Variants in OPTC observed in about 807,000 individuals in gnomAD.
OPTC encodes the protein oculoglycan.
OPTC carries 22 observed loss-of-function variants against 25.4 expected under a neutral mutation model. That is an observed-to-expected ratio of 0.87 (90% CI 0.62 to 1.24). OPTC has a LOEUF of 1.24. Ranked by LOEUF, OPTC falls within the 50% of genes most tolerant of loss-of-function variation. The probability of loss-of-function intolerance (pLI) is 0.00; values close to 1 mark genes in which losing one functional copy is unlikely to be tolerated. For synonymous variants in OPTC, 169 were observed against 179.3 expected (o/e 0.94, Z 0.46); for missense variants, 417 against 425.2 (o/e 0.98, Z 0.17).
chr1:203,503,716 C>T lies in OPTC; in HGVS notation c.995C>T (p.Thr332Met), dbSNP rs150746959. Residue 332 changes from threonine (T) to methionine (M), a missense_variant, in exon 7 of 8, where the codon ACG (threonine) becomes ATG (methionine). By Grantham distance (81) the Thr-to-Met change is moderately conservative (BLOSUM62 -1). Coordinates refer to ENST00000367222, the MANE Select transcript of OPTC (RefSeq NM_014359.4). ...CCTCGGCTCCCCATCGGCCGCTTCACGTAGCTCGGAGCCCTTCCACTCCTC... is the reference window on the plus strand; with the variant it reads ...CCTCGGCTCCCCATCGGCCGCTTCATGTAGCTCGGAGCCCTTCCACTCCTC... ...CLPRLPIGRF[T>M] The T allele has an allele frequency of 6.2e-5, 100 of 1,605,134 alleles. 1 individual carries two copies. In the South Asian group the frequency reaches 7.1e-4, roughly 11 times the overall value.
intron 2 of OPTC, 72 bp downstream of exon 2, chr1:203,496,308 G>T: frequency 9.1e-7 from 1 of 1,103,590 alleles, no homozygotes; most frequent in South Asian, 1.3e-5. Context: ...CCTCCCATCT[G>T]CCCCAAAGTG....
At chr1:203,504,389 CT>C (rs1661443417) in intron 7 of OPTC, among the ~76,000 whole-genome samples, 1 of 152,182 alleles carries the variant, frequency 6.6e-6, no homozygotes, top group Non-Finnish European at 1.5e-5. Context: ...TACTGGGCAT[CT>C]CTTCCAGCTC....
At chr1:203,494,690 TAAAA>T (rs1661250340) in intron 1 of OPTC, among the ~76,000 whole-genome samples, 1 of 151,998 alleles carries the variant, frequency 6.6e-6, no homozygotes, top group African/African-American at 2.4e-5. Context: ...AAAAAAATTT[TAAAA>T]GAAAGAAAGA....
At chr1:203,497,715 T>A (rs1408583727) in intron 3 of OPTC, among the ~76,000 whole-genome samples, 3 of 152,166 alleles carry the variant, frequency 2.0e-5, no homozygotes, top group African/African-American at 7.2e-5. Flanking sequence ...CTTCTCGGGA[T>A]GTTTGCCTTG....
chr1:203,498,647 G>C, intron 3 of OPTC, 34 bp from the exon 4 acceptor site: 2 of 1,613,994 alleles, frequency 1.2e-6, no homozygotes, highest in Non-Finnish European at 1.7e-6. Context: ...AGGCTAAAGA[G>C]ATCTCCCTTT....
In OPTC at chr1:203,503,839, T is replaced by C. The variant is rs28636958; in HGVS notation, c.*25+94T>C. 2.4e-3 allele frequency: 2,613 copies of C among 1,075,918 alleles called. 44 individuals carry two copies. The African/African-American group carries it at 0.035, about 14-fold the overall frequency. The allele number at this position is 1,075,918 out of a possible 1,614,324, so 66.6% of individuals were successfully genotyped here. A position where few individuals can be genotyped will look rare whatever the true frequency, so the allele number is the denominator to read the frequency against. Reference sequence around the variant, plus strand: ...CGGTGATCTTTAGCCCAGGCATTAATCAACCTCTCGATCCCTTGCAAATAT... The same window carrying C: ...CGGTGATCTTTAGCCCAGGCATTAACCAACCTCTCGATCCCTTGCAAATAT... On this transcript the variant is annotated intron_variant, in intron 7 of 7. Transcript: ENST00000367222.
At chr1:203,496,951 C>T (rs772651433) in intron 2 of OPTC, 26 bp from the exon 3 acceptor site, 8 of 1,614,010 alleles carry the variant, frequency 5.0e-6, no homozygotes, top group Non-Finnish European at 6.8e-6. Context: ...AGCTGGGCTA[C>T]TGTGTACTCT....
chr1:203,494,933 A>C (rs1032366474), intron 1 of OPTC, among the ~76,000 whole-genome samples: 1 of 152,234 alleles, frequency 6.6e-6, no homozygotes. Flanking sequence ...CAGGTATCTA[A>C]GGAAATTTCC....
intron 2 of OPTC, among the ~76,000 whole-genome samples, 171 bp downstream of exon 2, chr1:203,496,407 C>G (rs1661280916): frequency 6.6e-6 from 1 of 152,168 alleles, no homozygotes; most frequent in African/African-American, 2.4e-5. Context: ...TACTAAGAAA[C>G]AGGACACAAA....
chr1:203,498,935 T>A (rs888707715), intron 4 of OPTC, 96 bp downstream of exon 4: 2 of 1,384,450 alleles, frequency 1.4e-6, no homozygotes, highest in Non-Finnish European at 2.0e-6. Context: ...GCCCCCCGTG[T>A]TAGCTCTTTC....
chr1:203,498,941 C>G (rs1571597265), intron 4 of OPTC, 102 bp downstream of exon 4: 2 of 1,334,222 alleles, frequency 1.5e-6, no homozygotes, highest in East Asian at 4.6e-5. Context: ...CGTGTTAGCT[C>G]TTTCCTGTTG....
chr1:203,503,796 C>A (rs1661432739), intron 7 of OPTC, 51 bp downstream of exon 7: 3 of 1,474,858 alleles, frequency 2.0e-6, no homozygotes, highest in Admixed American at 3.4e-5. Flanking sequence ...CCATAAAGCC[C>A]AATTCCTTAT....
chr1:203,494,790 T>C lies in OPTC; in HGVS notation c.-42+573T>C, dbSNP rs6689054. 3.2e-3 allele frequency among the ~76,000 whole-genome samples: 483 copies of C among 152,372 alleles called. 2 individuals carry two copies. The highest frequency in any genetic ancestry group is 0.011 in the African/African-American group (448 of 41,584). ...TGGGTATGACTGTTGTATACACTTA[T>C]GCCTGGATACAAAACCACACCACAT... On this transcript the variant is annotated intron_variant, in intron 1 of 7. Coordinates refer to ENST00000367222, the MANE Select transcript of OPTC (RefSeq NM_014359.4).
Position 203,496,122 on chromosome 1 carries a change from T to C in OPTC, c.117T>C (p.Asp39=), listed in dbSNP as rs1440696617. The change falls in exon 2 of 8, where the codon GAT becomes GAC. Residue 39 remains aspartate, a synonymous_variant. Coordinates refer to ENST00000367222, the MANE Select transcript of OPTC (RefSeq NM_014359.4). ...AGGAGCAGATGCCCAGGGAAGGCGATTCCTTTGAAGTTCTGCCTCTGCGGA... is the reference window on the plus strand; with the variant it reads ...AGGAGCAGATGCCCAGGGAAGGCGACTCCTTTGAAGTTCTGCCTCTGCGGA... ...RREEQMPREG[D]SFEVLPLRND... is the part of the protein sequence containing the mutation. 6.2e-7 allele frequency: 1 copy of C among 1,614,000 alleles called. No individual in the cohort carries two copies. The highest frequency in any genetic ancestry group is 1.3e-5 in the African/African-American group (1 of 74,916).
chr1:203,502,979 G>GC lies in OPTC; in HGVS notation c.802dup (p.Leu268ProfsTer11). ...TGCTGGATTCTATCCCGGGGCCTTTGCCCCTGAGCCTGCGCTCTGTACACC... is the reference window on the plus strand; with the variant it reads ...TGCTGGATTCTATCCCGGGGCCTTTGCCCCCTGAGCCTGCGCTCTGTACACC... On this transcript the variant is annotated frameshift_variant, in exon 6 of 8. Coordinates refer to ENST00000367222, the MANE Select transcript of OPTC (RefSeq NM_014359.4). LOFTEE classifies it high-confidence loss of function. The GC allele has an allele frequency of 1.2e-6, 2 of 1,613,920 alleles. No individual in the cohort carries two copies. Among genetic ancestry groups the GC allele is most frequent in the Non-Finnish European group, 1.7e-6 (2 of 1,180,034 alleles).
intron 4 of OPTC, among the ~76,000 whole-genome samples, 176 bp from the exon 5 acceptor site, chr1:203,499,473 C>G (rs1661338456): frequency 6.6e-6 from 1 of 152,050 alleles, no homozygotes; most frequent in African/African-American, 2.4e-5. Flanking sequence ...GAGGGCTTTT[C>G]CAAGGAGTCC....
chr1:203,501,582 A>C (rs546001245), intron 5 of OPTC, among the ~76,000 whole-genome samples: 2 of 152,176 alleles, frequency 1.3e-5, no homozygotes, highest in Admixed American at 1.3e-4. Flanking sequence ...TCTTTTACGC[A>C]ATCTAATTCC....
At chr1:203,507,362 G>C (rs1038421526) in intron 7 of OPTC, among the ~76,000 whole-genome samples, 6 of 152,164 alleles carry the variant, frequency 3.9e-5, no homozygotes, top group Non-Finnish European at 5.9e-5. Context: ...GGGCTGTGGG[G>C]TCCAGCCAGG....
rs1661271092 is a variant in OPTC, at chr1:203,495,959, T to A, written c.-41-6T>A. 3 of 1,400,600 alleles carry A rather than the reference T, an allele frequency of 2.1e-6. No homozygotes were observed. The highest frequency in any genetic ancestry group is 3.0e-6 in the Non-Finnish European group (3 of 1,004,190). 86.8% of individuals were successfully genotyped at this position (1,400,600 alleles called of 1,614,324 possible). On this transcript the variant is annotated splice_region_variant and splice_polypyrimidine_tract_variant and intron_variant, in intron 1 of 7. Transcript: ENST00000367222. ...ATCGCTGCCCTTCCTCGTGCCCACT[T>A]GCCAGGACCAGCCGCTGAAGGGATT...
Sources: allele counts gnomAD v4.1 joint callset (sites outside exome capture counted in the v4.1 genomes callset), GRCh38; gene constraint gnomAD v4.1.1; transcripts MANE v1.5; gene names NCBI Gene and HGNC (gene_info 2026-07-23, HGNC 2026-07-21).